LRMDA: variants seen among roughly 807,000 people sequenced by gnomAD.
LRMDA encodes the protein leucine-rich melanocyte differentiation-associated protein.
LRMDA carries 18 observed loss-of-function variants against 29.8 expected under a neutral mutation model. The ratio of observed to expected loss-of-function variants is 0.60; its 90% CI spans 0.42 to 0.90. LRMDA has a LOEUF of 0.90. Among genes scored for constraint, LRMDA ranks in the 40% least tolerant of loss-of-function variants. The pLI is 0.00. For missense variants in LRMDA, 273 were observed against 273.9 expected, an observed-to-expected ratio of 1.00 and a Z score of 0.02; for synonymous variants, 125 against 109.4, an observed-to-expected ratio of 1.14 and a Z score of -0.89.
intron 2 of LRMDA, among the ~76,000 whole-genome samples, chr10:75,505,310 G>A (rs79225403): frequency 2.6e-5 from 4 of 152,232 alleles, no homozygotes; most frequent in African/African-American, 4.8e-5. Context: ...CCTTAGCATG[G>A]TTATAGCTGG....
chr10:76,429,435 C>T (rs913829824), intron 6 of LRMDA, among the ~76,000 whole-genome samples: 1 of 152,128 alleles, frequency 6.6e-6, no homozygotes, highest in African/African-American at 2.4e-5. Context: ...AATTGAGTCT[C>T]AGAGGCTGCA....
chr10:76,155,294 T>C (rs1850517457), intron 5 of LRMDA, among the ~76,000 whole-genome samples: 1 of 152,142 alleles, frequency 6.6e-6, no homozygotes, highest in Admixed American at 6.5e-5. Context: ...TGTGTTGCTA[T>C]GGGGCACCCT....
intron 2 of LRMDA, among the ~76,000 whole-genome samples, chr10:75,984,400 C>T (rs1014359211): frequency 3.3e-5 from 5 of 152,202 alleles, no homozygotes; most frequent in African/African-American, 7.2e-5. Flanking sequence ...GGCCATGGAG[C>T]CGTCAACTTC....
intron 6 of LRMDA, among the ~76,000 whole-genome samples, chr10:76,546,082 C>T (rs953802146): frequency 2.0e-5 from 3 of 152,162 alleles, no homozygotes; most frequent in African/African-American, 7.2e-5. Context: ...CCAACCCATA[C>T]ATTTCTACCT....
intron 6 of LRMDA, among the ~76,000 whole-genome samples, chr10:76,360,496 T>C (rs1052838848): frequency 6.6e-6 from 1 of 152,142 alleles, no homozygotes; most frequent in Non-Finnish European, 1.5e-5. Context: ...TCAGACCCTG[T>C]GTAGGCAGAT....
chr10:76,244,917 C>A (rs1347022595), intron 5 of LRMDA, among the ~76,000 whole-genome samples: 1 of 152,142 alleles, frequency 6.6e-6, no homozygotes, highest in Admixed American at 6.5e-5. Context: ...GCTAGCAGAG[C>A]TAGGGTCTGG....
chr10:75,589,062 G>A (rs560080078), intron 2 of LRMDA, among the ~76,000 whole-genome samples: 2 of 152,264 alleles, frequency 1.3e-5, no homozygotes, highest in East Asian at 3.9e-4. Context: ...GCTGTAGTGA[G>A]TTACCTTAAA....
At chr10:75,609,250 G>T (rs946210796) in intron 2 of LRMDA, among the ~76,000 whole-genome samples, 1 of 152,222 alleles carries the variant, frequency 6.6e-6, no homozygotes, top group African/African-American at 2.4e-5. Context: ...CTTTGAGGCC[G>T]CTGCTTGGAA....
intron 2 of LRMDA, among the ~76,000 whole-genome samples, chr10:75,762,736 T>C (rs1284081034): frequency 6.6e-6 from 1 of 152,180 alleles, no homozygotes; most frequent in Non-Finnish European, 1.5e-5. Flanking sequence ...GCAGATAAAG[T>C]TTTTAGAATC....
chr10:75,524,347 G>C (rs934794071), intron 2 of LRMDA, among the ~76,000 whole-genome samples: 1 of 152,134 alleles, frequency 6.6e-6, no homozygotes, highest in Non-Finnish European at 1.5e-5. Context: ...CTGCCTACTT[G>C]TGTGATCTTG....
At chr10:75,756,334 C>T (rs1843032133) in intron 2 of LRMDA, among the ~76,000 whole-genome samples, 1 of 152,150 alleles carries the variant, frequency 6.6e-6, no homozygotes, top group Non-Finnish European at 1.5e-5. Flanking sequence ...TCCCAGTCTG[C>T]TGCCTGGAAC....
chr10:76,409,934 G>A (rs975610255), intron 6 of LRMDA, among the ~76,000 whole-genome samples: 1 of 152,156 alleles, frequency 6.6e-6, no homozygotes, highest in African/African-American at 2.4e-5. Context: ...GCAGAGTTAT[G>A]GGAACATTTG....
intron 6 of LRMDA, among the ~76,000 whole-genome samples, chr10:76,527,201 G>C (rs1414586628): frequency 6.6e-6 from 1 of 152,040 alleles, no homozygotes; most frequent in Non-Finnish European, 1.5e-5. Flanking sequence ...GCCATTCCCA[G>C]TTGTTCCAGC....
intron 2 of LRMDA, among the ~76,000 whole-genome samples, chr10:75,748,829 T>A (rs947063112): frequency 6.6e-6 from 1 of 152,218 alleles, no homozygotes. Context: ...ATACAGCCAC[T>A]GAGAGATCTA....
chr10:75,496,853 T>C (rs1845049913), intron 2 of LRMDA, among the ~76,000 whole-genome samples: 1 of 152,130 alleles, frequency 6.6e-6, no homozygotes, highest in Non-Finnish European at 1.5e-5. Context: ...TATGCACATA[T>C]GTATATACAT....
At chr10:75,826,773 A>G (rs1243950687) in intron 2 of LRMDA, among the ~76,000 whole-genome samples, 2 of 152,292 alleles carry the variant, frequency 1.3e-5, no homozygotes, top group South Asian at 4.1e-4. Flanking sequence ...TGACATGACT[A>G]TAATTTTTAG....
chr10:76,287,165 A>C (rs1195584569), intron 5 of LRMDA, among the ~76,000 whole-genome samples: 1 of 150,100 alleles, frequency 6.7e-6, no homozygotes, highest in Admixed American at 6.7e-5. Flanking sequence ...TGTTTCACTT[A>C]TCTCTACATT....
chr10:76,216,576 C>CCTT (rs1554855596), intron 5 of LRMDA, among the ~76,000 whole-genome samples: 1 of 152,024 alleles, frequency 6.6e-6, no homozygotes, highest in African/African-American at 2.4e-5. Flanking sequence ...ATATTCCCAA[C>CCTT]ATTAGTGACT....
chr10:75,520,308 G>C (rs1450885050), intron 2 of LRMDA, among the ~76,000 whole-genome samples: 1 of 152,142 alleles, frequency 6.6e-6, no homozygotes, highest in Admixed American at 6.5e-5. Context: ...GTCACTTTCA[G>C]GTACACCCAT....
Sources: gnomAD v4.1 joint callset for allele counts (sites outside exome capture counted in the v4.1 genomes callset) on GRCh38, gnomAD v4.1.1 for gene constraint, MANE v1.5 for transcripts, NCBI Gene and HGNC (gene_info 2026-07-23, HGNC 2026-07-21) for gene names.